ERBB4: variants seen among roughly 807,000 people sequenced by gnomAD.
The protein encoded by ERBB4 is erb-b2 receptor tyrosine kinase 4.
ERBB4 carries 42 observed loss-of-function variants against 158.0 expected under a neutral mutation model. The ratio of observed to expected loss-of-function variants is 0.27; its 90% CI spans 0.21 to 0.34. The LOEUF (loss-of-function observed/expected upper bound fraction) is 0.34. Among genes scored for constraint, ERBB4 ranks in the 10% least tolerant of loss-of-function variants. ERBB4 has a pLI of 1.00. For synonymous variants in ERBB4, 583 were observed against 558.7 expected (o/e 1.04, Z -0.61); for missense variants, 1,333 against 1,624.1 (o/e 0.82, Z 3.08).
intron 3 of ERBB4, among the ~76,000 whole-genome samples, chr2:211,944,225 CAAA>C (rs200200333): frequency 8.7e-6 from 1 of 114,710 alleles, no homozygotes; most frequent in Non-Finnish European, 1.7e-5. Context: ...CACACACACA[CAAA>C]AAAAAAGAAC....
chr2:211,832,703 G>A (rs1357857581), intron 3 of ERBB4, among the ~76,000 whole-genome samples: 2 of 151,102 alleles, frequency 1.3e-5, no homozygotes, highest in East Asian at 3.9e-4. Flanking sequence ...TTCAAAAAGG[G>A]GCTGGCATGT....
intron 5 of ERBB4, 49 bp downstream of exon 5, chr2:211,750,590 A>C: frequency 2.0e-6 from 3 of 1,488,444 alleles, no homozygotes; most frequent in Non-Finnish European, 2.8e-6. Context: ...CAATCATTAA[A>C]ATTCCTTGAC....
chr2:212,087,208 G>C (rs1450533341), intron 2 of ERBB4, among the ~76,000 whole-genome samples: 3 of 151,508 alleles, frequency 2.0e-5, no homozygotes, highest in Non-Finnish European at 4.4e-5. Flanking sequence ...TCTTCTAAAG[G>C]CCATCACCAA....
intron 27 of ERBB4, among the ~76,000 whole-genome samples, chr2:211,384,936 A>G (rs902281777): frequency 1.3e-5 from 2 of 152,088 alleles, no homozygotes; most frequent in Non-Finnish European, 2.9e-5. Context: ...GCTTAATTCC[A>G]CATCTATGTC....
chr2:211,454,849 T>C (rs1005549818), intron 20 of ERBB4, among the ~76,000 whole-genome samples: 1 of 152,216 alleles, frequency 6.6e-6, no homozygotes, highest in Admixed American at 6.5e-5. Context: ...CAACTCTCAT[T>C]TGGCTTGTCA....
intron 2 of ERBB4, among the ~76,000 whole-genome samples, chr2:211,960,259 A>C (rs1332458073): frequency 6.6e-6 from 1 of 152,100 alleles, no homozygotes; most frequent in African/African-American, 2.4e-5. Flanking sequence ...TACTAAGTTC[A>C]TGTCAAAAGG....
At chr2:212,191,720 T>C (rs547791304) in intron 1 of ERBB4, among the ~76,000 whole-genome samples, 4 of 146,998 alleles carry the variant, frequency 2.7e-5, no homozygotes, top group Non-Finnish European at 3.0e-5. Context: ...ACATGTTACA[T>C]ATAACACGTG....
intron 1 of ERBB4, among the ~76,000 whole-genome samples, chr2:212,213,523 G>T (rs9653257): frequency 0.56 from 84,320 of 151,670 alleles, 23,656 homozygotes; most frequent in East Asian, 0.76. Flanking sequence ...GATATTGGAA[G>T]GAATGGCTAA....
chr2:211,821,285 AT>A (rs1179250479), intron 3 of ERBB4, among the ~76,000 whole-genome samples: 1 of 151,942 alleles, frequency 6.6e-6, no homozygotes, highest in African/African-American at 2.4e-5. Flanking sequence ...GAAAAATAAA[AT>A]AAAATACCTA....
intron 6 of ERBB4, among the ~76,000 whole-genome samples, chr2:211,723,005 C>A (rs138628257): frequency 6.6e-6 from 1 of 152,166 alleles, no homozygotes; most frequent in East Asian, 1.9e-4. Flanking sequence ...TGATTTATAT[C>A]GGACTTAAAG....
At chr2:212,509,534 T>C (rs1043352704) in intron 1 of ERBB4, among the ~76,000 whole-genome samples, 3 of 152,054 alleles carry the variant, frequency 2.0e-5, no homozygotes, top group South Asian at 2.1e-4. Flanking sequence ...TCCTACATCA[T>C]GCATTGTTAC....
At chr2:211,643,366 C>T (rs2070671455) in intron 16 of ERBB4, among the ~76,000 whole-genome samples, 1 of 152,026 alleles carries the variant, frequency 6.6e-6, no homozygotes, top group Non-Finnish European at 1.5e-5. Context: ...ACGTTCTGGT[C>T]CTGTTGTTAC....
At chr2:212,462,146 G>T (rs116831673) in intron 1 of ERBB4, among the ~76,000 whole-genome samples, 1 of 150,998 alleles carries the variant, frequency 6.6e-6, no homozygotes, top group African/African-American at 2.4e-5. Context: ...CCAAAACAAT[G>T]ACACTACTAG....
At chr2:211,416,853 C>T (rs566135444) in intron 25 of ERBB4, among the ~76,000 whole-genome samples, 40 of 151,420 alleles carry the variant, frequency 2.6e-4, no homozygotes, top group African/African-American at 9.2e-4. Flanking sequence ...CTTTCCCACT[C>T]CTCTGCGGGC....
intron 1 of ERBB4, among the ~76,000 whole-genome samples, chr2:212,425,429 TC>T (rs2091892327): frequency 6.7e-6 from 1 of 149,744 alleles, no homozygotes; most frequent in Admixed American, 6.7e-5. Context: ...CACATATGTA[TC>T]CTTATATATT....
intron 1 of ERBB4, among the ~76,000 whole-genome samples, chr2:212,463,356 G>A (rs895264732): frequency 2.6e-5 from 4 of 151,932 alleles, no homozygotes; most frequent in African/African-American, 9.7e-5. Flanking sequence ...ATAGCACAAT[G>A]TACTCCAGAA....
intron 27 of ERBB4, among the ~76,000 whole-genome samples, chr2:211,385,676 T>TA (rs1426664603): frequency 3.3e-5 from 5 of 152,172 alleles, no homozygotes; most frequent in Non-Finnish European, 7.4e-5. Flanking sequence ...TGTTCAGAGA[T>TA]AAAATCTGAG....
At chr2:212,372,962 T>C (rs1009390783) in intron 1 of ERBB4, among the ~76,000 whole-genome samples, 7 of 152,206 alleles carry the variant, frequency 4.6e-5, no homozygotes, top group Non-Finnish European at 8.8e-5. Flanking sequence ...AAGACTGTAC[T>C]GAAGAGCAAA....
At chr2:211,836,966 C>T (rs1187612472) in intron 3 of ERBB4, among the ~76,000 whole-genome samples, 1 of 151,766 alleles carries the variant, frequency 6.6e-6, no homozygotes, top group East Asian at 1.9e-4. Flanking sequence ...AATATTGTTC[C>T]ATCTCTAAAA....
Sources: allele counts gnomAD v4.1 joint callset (sites outside exome capture counted in the v4.1 genomes callset), GRCh38; gene constraint gnomAD v4.1.1; transcripts MANE v1.5; gene names NCBI Gene and HGNC (gene_info 2026-07-23, HGNC 2026-07-21).